CEP152: variants seen among roughly 807,000 people sequenced by gnomAD.
CEP152 encodes centrosomal protein of 152 kDa.
CEP152 carries 132 observed loss-of-function variants against 188.9 expected under a neutral mutation model. The ratio of observed to expected loss-of-function variants is 0.70; its 90% CI spans 0.61 to 0.81. The LOEUF (loss-of-function observed/expected upper bound fraction) is 0.81, where lower values mean the gene tolerates loss of function less well. Ranked by LOEUF, CEP152 falls within the 30% of genes least tolerant of loss-of-function variation. CEP152 has a pLI of 0.00. For missense variants in CEP152, 1,914 were observed against 1,969.8 expected, an observed-to-expected ratio of 0.97 and a Z score of 0.54; for synonymous variants, 649 against 666.6, an observed-to-expected ratio of 0.97 and a Z score of 0.41.
chr15:48,768,269 C>T lies in CEP152; in HGVS notation c.1968G>A (p.Met656Ile). The T allele has an allele frequency of 6.2e-7, 1 of 1,612,594 alleles. No individual in the cohort carries two copies. The highest frequency in any genetic ancestry group is 1.7e-5 in the Admixed American group (1 of 60,004). The change falls in exon 15 of 27, where the codon ATG becomes ATA. Residue 656 changes from methionine (M) to isoleucine (I), a missense_variant. Transcript: ENST00000380950. ...RNTNQDLCNQMRQMVQDFDHD... is the reference protein window; with the variant it reads ...RNTNQDLCNQIRQMVQDFDHD... ...GGTCAAAATCTTGTACCATTTGTCT[C>T]ATTTGATTACATAAGTCTTGATTTG...
intron 21 of CEP152, among the ~76,000 whole-genome samples, chr15:48,752,015 G>A (rs959394585): frequency 1.3e-5 from 2 of 152,156 alleles, no homozygotes; most frequent in African/African-American, 2.4e-5. Flanking sequence ...ATTAGTTTCA[G>A]TAATTTGAAT....
chr15:48,736,445 C>T (rs1892605097), downstream of CEP152, among the ~76,000 whole-genome samples: 1 of 152,102 alleles, frequency 6.6e-6, no homozygotes, highest in Non-Finnish European at 1.5e-5. Flanking sequence ...AATATCATGA[C>T]AAAGTGAGAT....
rs375672323 is a variant in CEP152, at chr15:48,779,708, A to G, written c.1577+1488T>C. On this transcript the variant is annotated intron_variant, in intron 12 of 26. Coordinates refer to ENST00000380950, the MANE Select transcript of CEP152 (RefSeq NM_001194998.2). The stretch of plus-strand genomic sequence containing the variant: ...AAAACTATTATTCAAAACAATCTGG[A>G]TCTAAAGCCCACGCTCTTCCCAGTA... Among the ~76,000 whole-genome samples, 69 of 152,290 alleles carry G rather than the reference A, an allele frequency of 4.5e-4. 1 individual carries two copies. The South Asian group carries it at 0.013, about 29-fold the overall frequency.
downstream of CEP152, among the ~76,000 whole-genome samples, chr15:48,736,039 G>A (rs1028834001): frequency 6.6e-6 from 1 of 152,086 alleles, no homozygotes; most frequent in Non-Finnish European, 1.5e-5. Flanking sequence ...AGACAATTTA[G>A]ATAAAATAGC....
At chr15:48,786,848 G>A (rs1417694324) in intron 9 of CEP152, among the ~76,000 whole-genome samples, 1 of 152,170 alleles carries the variant, frequency 6.6e-6, no homozygotes, top group African/African-American at 2.4e-5. Flanking sequence ...GGGTGGGGCA[G>A]TGGACAACAG....
At chr15:48,745,354 G>A (rs892765215) in intron 22 of CEP152, among the ~76,000 whole-genome samples, 2 of 151,942 alleles carry the variant, frequency 1.3e-5, no homozygotes, top group Non-Finnish European at 2.9e-5. Flanking sequence ...TCATATAAAC[G>A]ATCATTGAAC....
chr15:48,753,293 T>A (rs1023033120), intron 20 of CEP152, among the ~76,000 whole-genome samples: 10 of 152,208 alleles, frequency 6.6e-5, no homozygotes, highest in Non-Finnish European at 1.3e-4. Context: ...CCCAAAGTAC[T>A]GGGATTACAG....
chr15:48,790,222 G>C (rs532302379), intron 8 of CEP152, among the ~76,000 whole-genome samples: 1 of 152,332 alleles, frequency 6.6e-6, no homozygotes, highest in African/African-American at 2.4e-5. Context: ...GCCAGGCAGG[G>C]TTCTAAGCAC....
Position 48,767,385 on chromosome 15 carries a change from C to A in CEP152, c.2097G>T (p.Leu699Phe). The A allele has an allele frequency of 6.2e-7, 1 of 1,614,182 alleles. No homozygotes were observed. The highest frequency in any genetic ancestry group is 8.5e-7 in the Non-Finnish European group (1 of 1,180,016). ...AAGCCTCAAAGAGCTGCTGCTTCTC[C>A]AAAGCATGCTTTGCTAATAGGCTTT... Reference protein sequence around the residue: ...IRESLLAKHALEKQQLFEAYE... With the variant: ...IRESLLAKHAFEKQQLFEAYE... The change falls in exon 16 of 27, where the codon TTG (leucine) becomes TTT (phenylalanine). Residue 699 changes from leucine (L) to phenylalanine (F), a missense_variant. Transcript: ENST00000380950.
intron 11 of CEP152, 82 bp downstream of exon 11, chr15:48,782,057 A>T (rs777455879): frequency 7.7e-7 from 1 of 1,303,264 alleles, no homozygotes. Context: ...TATTATACAG[A>T]GAAACCCAAG....
chr15:48,793,274 A>G (rs1444121607), intron 7 of CEP152, 47 bp downstream of exon 7: 21 of 1,606,786 alleles, frequency 1.3e-5, no homozygotes, highest in Non-Finnish European at 1.7e-5. Flanking sequence ...TGGAAACAAG[A>G]TATCTAACTC....
intron 2 of CEP152, among the ~76,000 whole-genome samples, chr15:48,804,660 C>CAT (rs1897869705): frequency 6.6e-6 from 1 of 152,250 alleles, no homozygotes; most frequent in African/African-American, 2.4e-5. Flanking sequence ...AAACACTTTA[C>CAT]ATATAAATAA....
At chr15:48,799,003 CT>C (rs1415871143) in intron 2 of CEP152, among the ~76,000 whole-genome samples, 1 of 152,062 alleles carries the variant, frequency 6.6e-6, no homozygotes, top group Non-Finnish European at 1.5e-5. Context: ...TTACTAAATA[CT>C]TTTTAGGGAA....
Position 48,767,399 on chromosome 15 carries a change from C to T in CEP152, c.2083G>A (p.Ala695Thr), listed in dbSNP as rs1210137540. ...MKTQIRESLLAKHALEKQQLF... is the reference protein window; with the variant it reads ...MKTQIRESLLTKHALEKQQLF... ...TGCTGCTTCTCCAAAGCATGCTTTG[C>T]TAATAGGCTTTCACGTATTTGAGTT... is the stretch of plus-strand genomic sequence containing the variant. The change falls in exon 16 of 27, where the codon GCA (alanine) becomes ACA (threonine). Residue 695 changes from alanine to threonine, a missense_variant. Transcript: ENST00000380950. 6.2e-7 allele frequency: 1 copy of T among 1,614,058 alleles called. No individual in the cohort carries two copies. Among genetic ancestry groups the T allele is most frequent in the Non-Finnish European group, 8.5e-7 (1 of 1,180,018 alleles).
chr15:48,780,502 A>C (rs1896174481), intron 12 of CEP152, among the ~76,000 whole-genome samples: 2 of 152,200 alleles, frequency 1.3e-5, no homozygotes, highest in African/African-American at 4.8e-5. Context: ...CTCTCTGGAA[A>C]CTACAATTCA....
chr15:48,759,802 C>T (rs1043739500), intron 19 of CEP152, among the ~76,000 whole-genome samples: 3 of 152,110 alleles, frequency 2.0e-5, no homozygotes, highest in African/African-American at 7.2e-5. Context: ...ACTAACACAA[C>T]AGAGAAAACA....
chr15:48,746,177 T>G (rs1279086448), intron 22 of CEP152, among the ~76,000 whole-genome samples: 2 of 152,066 alleles, frequency 1.3e-5, no homozygotes, highest in Non-Finnish European at 2.9e-5. Flanking sequence ...TAAGAAAAAA[T>G]TTCAATTAAA....
chr15:48,756,673 G>A, intron 19 of CEP152, 120 bp from the exon 20 acceptor site: 14 of 898,980 alleles, frequency 1.6e-5, no homozygotes, highest in South Asian at 5.0e-5. Context: ...AAAATTAAAA[G>A]GAAACATGAT....
intron 21 of CEP152, among the ~76,000 whole-genome samples, chr15:48,751,572 G>A (rs1893878628): frequency 6.6e-6 from 1 of 152,184 alleles, no homozygotes; most frequent in South Asian, 2.1e-4. Flanking sequence ...TACTTAGTAG[G>A]TATGACTGGC....
Sources: gnomAD v4.1 joint callset for allele counts (sites outside exome capture counted in the v4.1 genomes callset) on GRCh38, gnomAD v4.1.1 for gene constraint, MANE v1.5 for transcripts, NCBI Gene and HGNC (gene_info 2026-07-23, HGNC 2026-07-21) for gene names.